PSMB7: variants seen among roughly 807,000 people sequenced by gnomAD.
The protein encoded by PSMB7 is proteasome 20S subunit beta 7, also known as proteasome subunit beta type-7.
Under a neutral mutation model 28.1 loss-of-function variants are expected in PSMB7, and 5 were observed. The observed-to-expected ratio is 0.18, with a 90% CI of 0.09 to 0.37. PSMB7 has a LOEUF of 0.37. Among genes scored for constraint, PSMB7 ranks in the 10% least tolerant of loss-of-function variants. The pLI is 1.00. For synonymous variants in PSMB7, 122 were observed against 123.7 expected (o/e 0.99, Z 0.09); for missense variants, 275 against 346.2 (o/e 0.79, Z 1.63).
intron 5 of PSMB7, among the ~76,000 whole-genome samples, chr9:124,390,520 T>A (rs1830773508): frequency 6.6e-6 from 1 of 152,078 alleles, no homozygotes. Flanking sequence ...CATGACAAAG[T>A]AGAAGTACAT....
At chr9:124,409,336 T>C (rs1026617742) in intron 4 of PSMB7, among the ~76,000 whole-genome samples, 4 of 152,218 alleles carry the variant, frequency 2.6e-5, no homozygotes, top group Non-Finnish European at 5.9e-5. Flanking sequence ...GAAAAAAAGT[T>C]ACAATATAAG....
chr9:124,361,141 G>A (rs1385394422), intron 6 of PSMB7, among the ~76,000 whole-genome samples: 1 of 152,144 alleles, frequency 6.6e-6, no homozygotes, highest in Non-Finnish European at 1.5e-5. Context: ...TTGCTTTATG[G>A]CTACAAAGAC....
At chr9:124,401,108 C>T (rs900677814) in intron 5 of PSMB7, among the ~76,000 whole-genome samples, 17 of 152,220 alleles carry the variant, frequency 1.1e-4, no homozygotes, top group South Asian at 2.1e-4. Context: ...TATCATAACA[C>T]ATTTTCTGGA....
At chr9:124,413,800 A>G in intron 3 of PSMB7, 108 bp downstream of exon 3, 1 of 719,082 alleles carries the variant, frequency 1.4e-6, no homozygotes, top group East Asian at 2.8e-5. Context: ...TAAGGGAGAC[A>G]GAAAATACAG....
intron 6 of PSMB7, among the ~76,000 whole-genome samples, chr9:124,360,904 C>G: frequency 6.6e-6 from 1 of 152,234 alleles, no homozygotes; most frequent in East Asian, 1.9e-4. Context: ...CACATAGCTA[C>G]TGCTTAATAA....
intron 4 of PSMB7, among the ~76,000 whole-genome samples, chr9:124,411,648 C>T (rs1332472311): frequency 6.6e-6 from 1 of 152,178 alleles, no homozygotes; most frequent in Non-Finnish European, 1.5e-5. Context: ...CCCATACAAA[C>T]ATAAAGTAAT....
In PSMB7 at chr9:124,388,761, G is replaced by A. The variant is rs181271917; in HGVS notation, c.512-4105C>T. On this transcript the variant is annotated intron_variant, in intron 5 of 7. Coordinates refer to ENST00000259457, the MANE Select transcript of PSMB7 (RefSeq NM_002799.4). ...GCTGCCCATGATTTCCTAAATGCCC[G>A]TGCCAGTTCAAGCCTATCTCACAGA... is the stretch of plus-strand genomic sequence containing the variant. 9.9e-5 allele frequency among the ~76,000 whole-genome samples: 15 copies of A among 152,164 alleles called. No homozygotes were observed. In the East Asian group the frequency reaches 1.2e-3, roughly 12 times the overall value.
chr9:124,415,113 A>G, intron 1 of PSMB7, 178 bp from the exon 2 acceptor site: 1 of 630,884 alleles, frequency 1.6e-6, no homozygotes, highest in Non-Finnish European at 2.8e-6. Flanking sequence ...ACAGTCTTAC[A>G]AAGGGGCCGT....
At chr9:124,384,248 GTAAGAACAGAAAAAC>G in intron 6 of PSMB7, 1 of 231,038 alleles carries the variant, frequency 4.3e-6, no homozygotes, top group Non-Finnish European at 8.3e-6. Context: ...TCTGTTCTTA[GTAAGAACAGAAAAAC>G]CTGTCATTTT....
chr9:124,372,240 C>G (rs1830570802), intron 6 of PSMB7, among the ~76,000 whole-genome samples: 2 of 152,228 alleles, frequency 1.3e-5, no homozygotes, highest in African/African-American at 2.4e-5. Context: ...AGCCTAACAG[C>G]TGGTAATCAC....
intron 6 of PSMB7, among the ~76,000 whole-genome samples, chr9:124,363,561 G>A (rs2131145133): frequency 6.6e-6 from 1 of 152,276 alleles, no homozygotes; most frequent in East Asian, 1.9e-4. Context: ...AGCTTTCTGG[G>A]TGAATACGCC....
chr9:124,384,902 T>C (rs868628603), intron 5 of PSMB7, among the ~76,000 whole-genome samples: 2 of 152,246 alleles, frequency 1.3e-5, no homozygotes, highest in Non-Finnish European at 2.9e-5. Flanking sequence ...ACAGGTATAA[T>C]TGTAAATTAT....
At chr9:124,408,977 C>T (rs1274496040) in intron 4 of PSMB7, among the ~76,000 whole-genome samples, 3 of 152,214 alleles carry the variant, frequency 2.0e-5, no homozygotes, top group Non-Finnish European at 4.4e-5. Context: ...GGCTATACTA[C>T]AGTCAGTACA....
chr9:124,373,128 C>G (rs1487615772), intron 6 of PSMB7, among the ~76,000 whole-genome samples: 2 of 152,208 alleles, frequency 1.3e-5, no homozygotes, highest in African/African-American at 4.8e-5. Context: ...GAACCTTTCA[C>G]CTTCAACAGA....
chr9:124,414,549 G>C (rs1196892357), intron 2 of PSMB7, among the ~76,000 whole-genome samples: 1 of 151,026 alleles, frequency 6.6e-6, no homozygotes, highest in African/African-American at 2.4e-5. Flanking sequence ...CCCAAATCTC[G>C]TGATCTCCCA....
At chr9:124,396,692 T>C (rs1187089336) in intron 5 of PSMB7, 1 of 439,392 alleles carries the variant, frequency 2.3e-6, no homozygotes, top group Non-Finnish European at 4.7e-6. Flanking sequence ...ATGCTTGAAA[T>C]TTTATTCATG....
At chr9:124,391,605 G>C (rs1013395839) in intron 5 of PSMB7, among the ~76,000 whole-genome samples, 1 of 149,524 alleles carries the variant, frequency 6.7e-6, no homozygotes, top group Admixed American at 6.7e-5. Context: ...TGCCACTCAA[G>C]TATCTGTTAT....
intron 1 of PSMB7, 197 bp downstream of exon 1, chr9:124,415,167 G>T: frequency 1.5e-6 from 1 of 651,020 alleles, no homozygotes; most frequent in African/African-American, 1.8e-5. Context: ...CGAGTGCGCT[G>T]GGAAGGTGGG....
intron 4 of PSMB7, 137 bp from the exon 5 acceptor site, chr9:124,405,569 T>G: frequency 1.7e-6 from 1 of 605,206 alleles, no homozygotes; most frequent in Non-Finnish European, 2.9e-6. Context: ...ATTGTTTTGA[T>G]GGGAACAAAA....
Sources: gnomAD v4.1 joint callset for allele counts (sites outside exome capture counted in the v4.1 genomes callset) on GRCh38, gnomAD v4.1.1 for gene constraint, MANE v1.5 for transcripts, NCBI Gene and HGNC (gene_info 2026-07-23, HGNC 2026-07-21) for gene names.